Variants in RHOJ observed in about 807,000 individuals in gnomAD.
RHOJ encodes ras homolog family member J.
A neutral mutation model predicts 23.4 loss-of-function variants in RHOJ; 11 were observed. The observed-to-expected ratio is 0.47, with a 90% CI of 0.30 to 0.78. The LOEUF (loss-of-function observed/expected upper bound fraction) is 0.78. Among genes scored for constraint, RHOJ ranks in the 30% least tolerant of loss-of-function variants. RHOJ has a pLI of 0.08. For missense variants in RHOJ, 254 were observed against 273.4 expected (o/e 0.93, Z 0.50); for synonymous variants, 102 against 102.7 (o/e 0.99, Z 0.04).
intron 1 of RHOJ, among the ~76,000 whole-genome samples, chr14:63,206,122 T>C (rs193006358): frequency 4.3e-4 from 66 of 152,318 alleles, no homozygotes; most frequent in African/African-American, 1.5e-3. Context: ...ATCCTCCTTC[T>C]ATAGAAAGTA....
At chr14:63,224,039 A>G (rs1166194835) in intron 1 of RHOJ, among the ~76,000 whole-genome samples, 1 of 152,178 alleles carries the variant, frequency 6.6e-6, no homozygotes, top group Admixed American at 6.5e-5. Flanking sequence ...CAGGCAACTA[A>G]TCCTTTGCTA....
At chr14:63,206,981 G>C (rs1298890249) in intron 1 of RHOJ, among the ~76,000 whole-genome samples, 1 of 151,824 alleles carries the variant, frequency 6.6e-6, no homozygotes, top group Non-Finnish European at 1.5e-5. Flanking sequence ...ATGGAGACAT[G>C]AACCACATAC....
At chr14:63,255,584 C>G (rs1895148985) in intron 1 of RHOJ, among the ~76,000 whole-genome samples, 1 of 150,842 alleles carries the variant, frequency 6.6e-6, no homozygotes, top group South Asian at 2.1e-4. Context: ...CAGCCTTACC[C>G]TCCCCCACTC....
chr14:63,274,827 C>T (rs539606304), intron 2 of RHOJ, among the ~76,000 whole-genome samples: 11 of 152,124 alleles, frequency 7.2e-5, no homozygotes, highest in Admixed American at 3.9e-4. Context: ...ATGCTATGCA[C>T]GCACACTATA....
At chr14:63,206,068 A>C (rs1219940333) in intron 1 of RHOJ, among the ~76,000 whole-genome samples, 1 of 152,208 alleles carries the variant, frequency 6.6e-6, no homozygotes, top group Non-Finnish European at 1.5e-5. Flanking sequence ...AATGGCCCAC[A>C]GGAAACCAGC....
rs1350992081 is a variant in RHOJ at position 63,291,412 on chromosome 14, G to A, written c.*388G>A. Reference sequence around the variant, plus strand: ...GATTCCTCTATTGCTGGCCTTACTTGATGTCTTTTATAAAACTTGGGACTA... The same window carrying A: ...GATTCCTCTATTGCTGGCCTTACTTAATGTCTTTTATAAAACTTGGGACTA... On this transcript the variant is annotated 3_prime_UTR_variant, in exon 5 of 5. Coordinates refer to ENST00000316754, the MANE Select transcript of RHOJ (RefSeq NM_020663.5). The A allele has an allele frequency of 1.4e-5, 4 of 281,814 alleles. No homozygotes were observed. The highest frequency in any genetic ancestry group is 2.8e-5 in the Non-Finnish European group (4 of 145,338). The allele number at this position is 281,814 out of a possible 1,614,324, so 17.5% of individuals were successfully genotyped here.
At chr14:63,238,022 T>A (rs1894819918) in intron 1 of RHOJ, among the ~76,000 whole-genome samples, 2 of 152,218 alleles carry the variant, frequency 1.3e-5, no homozygotes, top group Admixed American at 1.3e-4. Flanking sequence ...CACTCTAGAT[T>A]CACTCTAATG....
At chr14:63,221,220 C>T (rs1026980366) in intron 1 of RHOJ, among the ~76,000 whole-genome samples, 1 of 152,132 alleles carries the variant, frequency 6.6e-6, no homozygotes, top group Non-Finnish European at 1.5e-5. Flanking sequence ...GTCCTAGCTA[C>T]TTAGGAGGCT....
intron 1 of RHOJ, among the ~76,000 whole-genome samples, chr14:63,205,792 G>A (rs1894096615): frequency 6.6e-6 from 1 of 152,184 alleles, no homozygotes; most frequent in Admixed American, 6.5e-5. Context: ...CTTTTGTTTT[G>A]CGAGTGTTCT....
chr14:63,231,290 T>C (rs938092395), intron 1 of RHOJ, among the ~76,000 whole-genome samples: 1 of 152,242 alleles, frequency 6.6e-6, no homozygotes, highest in Non-Finnish European at 1.5e-5. Context: ...AAGCCCTTTA[T>C]AGTGGATGTA....
intron 4 of RHOJ, among the ~76,000 whole-genome samples, chr14:63,290,570 A>G (rs1882213788): frequency 1.3e-5 from 2 of 152,010 alleles, no homozygotes. Context: ...AGATCTTTGC[A>G]TTTTTTATGT....
At chr14:63,224,825 G>A (rs2139741038) in intron 1 of RHOJ, among the ~76,000 whole-genome samples, 1 of 152,232 alleles carries the variant, frequency 6.6e-6, no homozygotes, top group African/African-American at 2.4e-5. Context: ...CCCAGTTTGG[G>A]AGCCCTGAGC....
At chr14:63,254,428 A>T (rs1421240981) in intron 1 of RHOJ, among the ~76,000 whole-genome samples, 1 of 151,988 alleles carries the variant, frequency 6.6e-6, no homozygotes, top group African/African-American at 2.4e-5. Context: ...TGAGAAATGT[A>T]TGTGCTCCTG....
intron 2 of RHOJ, among the ~76,000 whole-genome samples, chr14:63,273,032 AAG>A (rs1397612862): frequency 6.6e-6 from 1 of 152,168 alleles, no homozygotes; most frequent in Non-Finnish European, 1.5e-5. Context: ...TCAAAAAAGA[AAG>A]AGAGTTTATA....
intron 4 of RHOJ, among the ~76,000 whole-genome samples, chr14:63,287,591 T>G (rs1222492812): frequency 6.6e-6 from 1 of 150,612 alleles, no homozygotes; most frequent in Non-Finnish European, 1.5e-5. Context: ...ACTTGATTAG[T>G]CATTACGGTT....
intron 2 of RHOJ, among the ~76,000 whole-genome samples, chr14:63,270,199 G>T: frequency 7.4e-6 from 1 of 134,798 alleles, no homozygotes; most frequent in African/African-American, 3.0e-5. Context: ...CAATTGTTTG[G>T]ATATACATCG....
chr14:63,289,313 G>C (rs1882176326), intron 4 of RHOJ, among the ~76,000 whole-genome samples: 1 of 152,130 alleles, frequency 6.6e-6, no homozygotes, highest in African/African-American at 2.4e-5. Context: ...CCCTAGAGGG[G>C]GCATGTGCTT....
intron 1 of RHOJ, among the ~76,000 whole-genome samples, chr14:63,217,165 C>A (rs1419264340): frequency 1.3e-5 from 2 of 150,426 alleles, no homozygotes; most frequent in African/African-American, 4.9e-5. Context: ...TATACATGTG[C>A]CATGCTGGTG....
At chr14:63,229,265 T>C (rs935196135) in intron 1 of RHOJ, among the ~76,000 whole-genome samples, 1 of 152,254 alleles carries the variant, frequency 6.6e-6, no homozygotes, top group African/African-American at 2.4e-5. Flanking sequence ...AGTTTGAATT[T>C]AACTATGTTA....
Sources: allele counts gnomAD v4.1 joint callset (sites outside exome capture counted in the v4.1 genomes callset), GRCh38; gene constraint gnomAD v4.1.1; transcripts MANE v1.5; gene names NCBI Gene and HGNC (gene_info 2026-07-23, HGNC 2026-07-21).